Variants in MASP1 observed in about 807,000 individuals in gnomAD.
MASP1 encodes MBL associated serine protease 1, also known as mannan-binding lectin serine protease 1.
A neutral mutation model predicts 77.1 loss-of-function variants in MASP1; 59 were observed. The observed-to-expected ratio is 0.77, with a 90% confidence interval of 0.62 to 0.95. The LOEUF is 0.95. Among genes scored for constraint, MASP1 ranks in the 40% least tolerant of loss-of-function variants. The pLI, the probability that MASP1 is intolerant of heterozygous loss-of-function variation, is 0.00. For missense variants in MASP1, 885 were observed against 912.9 expected, an observed-to-expected ratio of 0.97 and a Z score of 0.39; for synonymous variants, 362 against 354.5, an observed-to-expected ratio of 1.02 and a Z score of -0.24.
chr3:187,291,497 T>C, intron 1 of MASP1, 131 bp downstream of exon 1: 1 of 1,247,132 alleles, frequency 8.0e-7, no homozygotes, highest in Non-Finnish European at 1.2e-6. Context: ...CCCTAAGAAT[T>C]GATGAGAAAG....
Position 187,234,293 on chromosome 3 carries a change from C to A in MASP1, c.*1391G>T. 2.3e-6 allele frequency: 3 copies of A among 1,287,232 alleles called. No homozygotes were observed. The highest frequency in any genetic ancestry group is 3.0e-6 in the Non-Finnish European group (3 of 988,684). 79.7% of individuals were successfully genotyped at this position (1,287,232 alleles called of 1,614,324 possible). ...CATTCCCTCTCAGGGGCTTCTCTGG[C>A]TGCCTTGCTCTGATGGAGATTTTCA... On this transcript the variant is annotated 3_prime_UTR_variant, in exon 11 of 11. Coordinates refer to ENST00000296280, the MANE Select transcript of MASP1 (RefSeq NM_139125.4).
At chr3:187,255,626 C>G (rs767145096) in intron 5 of MASP1, among the ~76,000 whole-genome samples, 7 of 152,238 alleles carry the variant, frequency 4.6e-5, no homozygotes, top group Non-Finnish European at 8.8e-5. Flanking sequence ...CCCCTCCAGT[C>G]AAGCTGCCTC....
intron 2 of MASP1, among the ~76,000 whole-genome samples, chr3:187,275,756 C>T (rs372999062): frequency 7.2e-5 from 11 of 152,184 alleles, no homozygotes; most frequent in African/African-American, 1.4e-4. Flanking sequence ...TAAGCCACTG[C>T]GCATCTCTTT....
rs752001060 is a variant in MASP1 at position 187,291,712 on chromosome 3, T to C, written c.-80A>G. 6 of 1,536,440 alleles carry C rather than the reference T, an allele frequency of 3.9e-6. No homozygotes were observed. Among genetic ancestry groups the C allele is most frequent in the Non-Finnish European group, 5.4e-6 (6 of 1,109,304 alleles). Reference sequence around the variant, plus strand: ...GCCTGTGAGCTCGTGCCCGGTGTGGTGTCCGTGATGCCTTATCTTTGTTCT... The same window carrying C: ...GCCTGTGAGCTCGTGCCCGGTGTGGCGTCCGTGATGCCTTATCTTTGTTCT... On this transcript the variant is annotated 5_prime_UTR_variant, in exon 1 of 11. Transcript: ENST00000296280.
At chr3:187,273,793 T>C (rs576291629) in intron 2 of MASP1, among the ~76,000 whole-genome samples, 2 of 152,358 alleles carry the variant, frequency 1.3e-5, no homozygotes, top group East Asian at 3.9e-4. Context: ...TCAGAAACTC[T>C]TGAAAGCCAT....
In MASP1 at chr3:187,270,778, T is replaced by C. The variant is rs118029857; in HGVS notation, c.238-8058A>G. ...GCTCAGCGGCCACATAGGGCAGAGA[T>C]GAACCATCTGATTAAAATGTCTAGA... On this transcript the variant is annotated intron_variant, in intron 2 of 10. Transcript: ENST00000296280. Among the ~76,000 whole-genome samples, 52 of 152,272 alleles carry C rather than the reference T, an allele frequency of 3.4e-4. No homozygotes were observed. The East Asian group carries it at 8.7e-3, about 25-fold the overall frequency.
chr3:187,241,718 AGAAGAATGAG>A (rs1713657274), intron 9 of MASP1, 163 bp from the exon 10 acceptor site: 2 of 606,412 alleles, frequency 3.3e-6, no homozygotes, highest in Admixed American at 4.9e-5. Context: ...AGATGTACTA[AGAAGAATGAG>A]GAAGAATGTG....
rs755596255 is a variant in MASP1, at chr3:187,250,369, TGGGGG to T, written c.1012-45_1012-41del. ...GAAGAAGGGAGTGGGAAGAAGGAGG[TGGGGG>T]TGGTGTCAGGGGTTTTTTCCTAGCA... On this transcript the variant is annotated intron_variant, in intron 7 of 10. Coordinates refer to ENST00000296280, the MANE Select transcript of MASP1 (RefSeq NM_139125.4). The T allele has an allele frequency of 1.8e-5, 26 of 1,472,870 alleles. No homozygotes were observed. The African/African-American group carries it at 2.6e-4, about 15-fold the overall frequency. The allele number at this position is 1,472,870 out of a possible 1,614,324, so 91.2% of individuals were successfully genotyped here.
chr3:187,256,673 G>A lies in MASP1; in HGVS notation c.735C>T (p.Asp245=), dbSNP rs1360794786. The change falls in exon 5 of 11, where the codon GAC becomes GAT. Residue 245 remains aspartate (D), a synonymous_variant. Transcript: ENST00000296280. ...TTCATTGCAGGCTCACCTTGATGTA[G>A]TCATAGGGGCAGGGCACCTCAGGAT... is the stretch of plus-strand genomic sequence containing the variant. The part of the protein sequence containing the change: ...EDHPEVPCPY[D]YIKIKVGPKV... 1 of 1,613,930 alleles carries A rather than the reference G, an allele frequency of 6.2e-7. No homozygotes were observed. The highest frequency in any genetic ancestry group is 1.1e-5 in the South Asian group (1 of 91,062).
chr3:187,275,543 GT>G lies in MASP1; in HGVS notation c.237+10281del, dbSNP rs377541519. ...TCACACCAGTTTATAAGAGCCAACT[GT>G]CAGCTTTTCAGAGATTTTGCTACCC... On this transcript the variant is annotated intron_variant, in intron 2 of 10. Coordinates refer to ENST00000296280, the MANE Select transcript of MASP1 (RefSeq NM_139125.4). Among the ~76,000 whole-genome samples the G allele has an allele frequency of 3.5e-3, 531 of 152,236 alleles. 1 individual carries two copies. Among genetic ancestry groups the G allele is most frequent in the African/African-American group, 0.012 (500 of 41,514 alleles).
chr3:187,234,363 G>T lies in MASP1; in HGVS notation c.*1321C>A, dbSNP rs763263483. On this transcript the variant is annotated 3_prime_UTR_variant, in exon 11 of 11. Transcript: ENST00000296280. ...GAAGGAGAACAATCAGCCCTGTGAG[G>T]GCCAGAGAGGCTGCTAGCAGTCAGG... 2 of 1,287,244 alleles carry T rather than the reference G, an allele frequency of 1.6e-6. No homozygotes were observed. Among genetic ancestry groups the T allele is most frequent in the South Asian group, 2.5e-5 (2 of 80,934 alleles). 79.7% of individuals were successfully genotyped at this position (1,287,244 alleles called of 1,614,324 possible).
At chr3:187,287,236 C>T (rs1167488909) in intron 1 of MASP1, among the ~76,000 whole-genome samples, 2 of 152,168 alleles carry the variant, frequency 1.3e-5, no homozygotes, top group Non-Finnish European at 2.9e-5. Flanking sequence ...TCTGTCCTTC[C>T]CACCTCATCT....
intron 2 of MASP1, among the ~76,000 whole-genome samples, chr3:187,268,493 A>C (rs541214716): frequency 1.1e-4 from 16 of 151,680 alleles, no homozygotes; most frequent in African/African-American, 3.6e-4. Flanking sequence ...GACTCTGTCT[A>C]TGAAAAAGAA....
chr3:187,223,252 G>T (rs772998644), intron 13 of MASP1: 8 of 1,384,726 alleles, frequency 5.8e-6, no homozygotes, highest in Non-Finnish European at 8.2e-6. Flanking sequence ...GTTTGGAGGG[G>T]TGCAGCTTGC....
downstream of MASP1, among the ~76,000 whole-genome samples, chr3:187,231,693 C>T (rs1310973963): frequency 6.6e-6 from 1 of 152,238 alleles, no homozygotes; most frequent in African/African-American, 2.4e-5. Flanking sequence ...GAAGCTGGAG[C>T]ATCCACGGTT....
chr3:187,235,789 G>A lies in MASP1; in HGVS notation c.2082C>T (p.Ser694=), dbSNP rs148505874. The A allele has an allele frequency of 6.2e-7, 1 of 1,614,048 alleles. No homozygotes were observed. The highest frequency in any genetic ancestry group is 8.5e-7 in the Non-Finnish European group (1 of 1,180,006). ...TTGTGTAGACTCCATAGACCTGCTTGCTGCCGCATTCTTCAGGTCCCCCCC... is the reference window on the plus strand; with the variant it reads ...TTGTGTAGACTCCATAGACCTGCTTACTGCCGCATTCTTCAGGTCCCCCCC... ...VSWGGPEECG[S]KQVYGVYTKV... Residue 694 remains serine (S), a synonymous_variant, in exon 11 of 11, where the codon AGC becomes AGT. Transcript: ENST00000296280.
chr3:187,254,462 G>A (rs1452311334), intron 5 of MASP1, among the ~76,000 whole-genome samples: 1 of 152,176 alleles, frequency 6.6e-6, no homozygotes, highest in Non-Finnish European at 1.5e-5. Flanking sequence ...CTTGCCTAGT[G>A]TTAGGAACAG....
chr3:187,262,336 TA>T (rs1313201470), intron 3 of MASP1, among the ~76,000 whole-genome samples: 1 of 152,248 alleles, frequency 6.6e-6, no homozygotes. Flanking sequence ...CAATTTACGT[TA>T]AAACACTTTG....
At chr3:187,278,562 T>G (rs1439357491) in intron 2 of MASP1, among the ~76,000 whole-genome samples, 1 of 152,230 alleles carries the variant, frequency 6.6e-6, no homozygotes, top group Non-Finnish European at 1.5e-5. Context: ...GACCAGCATT[T>G]CCAGCTGTAT....
Sources: gnomAD v4.1 joint callset for allele counts (sites outside exome capture counted in the v4.1 genomes callset) on GRCh38, gnomAD v4.1.1 for gene constraint, MANE v1.5 for transcripts, NCBI Gene and HGNC (gene_info 2026-07-23, HGNC 2026-07-21) for gene names.